Variants in MTMR10 observed in about 807,000 individuals in gnomAD.
MTMR10 encodes the protein myotubularin-related protein 10.
MTMR10 carries 56 observed loss-of-function variants against 88.1 expected under a neutral mutation model. The observed-to-expected ratio is 0.64, with a 90% CI of 0.51 to 0.79. MTMR10 has a LOEUF of 0.79. Ranked by LOEUF, MTMR10 falls within the 30% of genes least tolerant of loss-of-function variation. The pLI is 0.00. For missense variants in MTMR10, 883 were observed against 924.7 expected, an observed-to-expected ratio of 0.95 and a Z score of 0.58; for synonymous variants, 380 against 340.9, an observed-to-expected ratio of 1.11 and a Z score of -1.26.
chr15:30,926,042 GC>G, the MTMR10 span: 1 of 1,176,476 alleles, frequency 8.5e-7, no homozygotes, highest in Non-Finnish European at 1.2e-6. Flanking sequence ...TCTGTCCTCT[GC>G]TCACAGTGGA....
chr15:30,931,852 G>A, the MTMR10 span, among the ~76,000 whole-genome samples: 1 of 151,828 alleles, frequency 6.6e-6, no homozygotes, highest in East Asian at 1.9e-4. Context: ...ATAATGACTT[G>A]TTTTTCAAAG....
intron 14 of MTMR10, chr15:30,946,702 A>T (rs540693786): frequency 1.4e-6 from 1 of 702,192 alleles, no homozygotes; most frequent in Non-Finnish European, 2.6e-6. Context: ...AATCCTCTAC[A>T]TCAATGAATT....
rs1053865180 is a variant in MTMR10 at position 30,961,048 on chromosome 15, T to A, written c.591A>T (p.Ser197=). 4 of 1,552,406 alleles carry A rather than the reference T, an allele frequency of 2.6e-6. No individual in the cohort carries two copies. The Admixed American group carries it at 7.9e-5, about 30-fold the overall frequency. ...CTCCTCCTCCTCCTCCTCCATCTCCTGAGGGAATTCCATTAATTTTGTTTG... is the reference window on the plus strand; with the variant it reads ...CTCCTCCTCCTCCTCCTCCATCTCCAGAGGGAATTCCATTAATTTTGTTTG... ...NSANKINGIP[S]GDGGGGGGGG... is the part of the protein sequence containing the mutation. Residue 197 remains serine, a synonymous_variant, in exon 7 of 16, where the codon TCA becomes TCT. Transcript: ENST00000435680.
At chr15:30,953,722 A>G in intron 10 of MTMR10, 91 bp from the exon 11 acceptor site, 1 of 826,992 alleles carries the variant, frequency 1.2e-6, no homozygotes, top group Non-Finnish European at 1.9e-6. Flanking sequence ...TAATATTTAA[A>G]AGTTAGCTTT....
chr15:30,933,744 ATTTCT>A, the MTMR10 span, among the ~76,000 whole-genome samples: 2 of 147,586 alleles, frequency 1.4e-5, no homozygotes, highest in African/African-American at 5.2e-5. Context: ...TAATTGTGGT[ATTTCT>A]TTTCTTTTTT....
At chr15:30,937,017 A>C (rs2062874095), downstream of MTMR10, 1 of 868,852 alleles carries the variant, frequency 1.2e-6, no homozygotes, top group East Asian at 2.4e-5. Context: ...GTGAGAGAGC[A>C]GAAGAGCCAT....
intron 5 of MTMR10, among the ~76,000 whole-genome samples, chr15:30,970,198 T>C (rs1477113813): frequency 6.6e-6 from 1 of 152,152 alleles, no homozygotes; most frequent in East Asian, 1.9e-4. Context: ...GTACCTACAA[T>C]GTTGTAAGCC....
intron 14 of MTMR10, chr15:30,946,863 C>T (rs1469876279): frequency 4.7e-6 from 3 of 632,262 alleles, no homozygotes; most frequent in Admixed American, 2.7e-5. Context: ...AAAAGCATGA[C>T]ATTTAAGGTG....
rs953558866 is a variant in MTMR10 at position 30,960,752 on chromosome 15, T to C, written c.758+129A>G. Reference sequence around the variant, plus strand: ...CTTGATCTTTAAAATAAAATATTTATTAAAACATTATTAAAAACAAATATT... The same window carrying C: ...CTTGATCTTTAAAATAAAATATTTACTAAAACATTATTAAAAACAAATATT... On this transcript the variant is annotated intron_variant, in intron 7 of 15. Transcript: ENST00000435680. 5.9e-6 allele frequency: 7 copies of C among 1,189,056 alleles called. No individual in the cohort carries two copies. In the African/African-American group the frequency reaches 9.4e-5, roughly 16 times the overall value. 73.7% of individuals were successfully genotyped at this position (1,189,056 alleles called of 1,614,324 possible). A position where few individuals can be genotyped will look rare whatever the true frequency, so the allele number is the denominator to read the frequency against.
intron 13 of MTMR10, among the ~76,000 whole-genome samples, chr15:30,948,100 T>C (rs929350715): frequency 1.3e-5 from 2 of 152,226 alleles, no homozygotes; most frequent in African/African-American, 4.8e-5. Context: ...TAGACAACTT[T>C]TAAAAATTTC....
chr15:30,921,061 G>T, the MTMR10 span, among the ~76,000 whole-genome samples: 3 of 152,212 alleles, frequency 2.0e-5, no homozygotes, highest in Non-Finnish European at 4.4e-5. Flanking sequence ...GACAGTGGGG[G>T]CCTAAAGTGT....
At chr15:30,930,794 G>A in the MTMR10 span, 46 of 1,239,878 alleles carry the variant, frequency 3.7e-5, no homozygotes, top group Non-Finnish European at 4.9e-5. Context: ...CTTTTGGGCC[G>A]AGGGCCTGGG....
chr15:30,932,221 C>CAAAAAAA, the MTMR10 span, among the ~76,000 whole-genome samples: 4 of 49,506 alleles, frequency 8.1e-5, 1 homozygote, highest in Non-Finnish European at 1.4e-4. Flanking sequence ...GACTCCATCT[C>CAAAAAAA]AAAAAAAAAA....
chr15:30,933,752 T>G, the MTMR10 span, among the ~76,000 whole-genome samples: 1 of 142,288 alleles, frequency 7.0e-6, no homozygotes, highest in African/African-American at 2.9e-5. Flanking sequence ...GTATTTCTTT[T>G]CTTTTTTTTT....
intron 2 of MTMR10, among the ~76,000 whole-genome samples, chr15:30,984,405 T>C (rs893414210): frequency 6.6e-6 from 1 of 152,212 alleles, no homozygotes; most frequent in African/African-American, 2.4e-5. Flanking sequence ...ACAAGTCCTT[T>C]GGTCTTTCAA....
the MTMR10 span, chr15:30,920,469 G>A: frequency 1.1e-6 from 1 of 941,268 alleles, no homozygotes; most frequent in Non-Finnish European, 1.7e-6. Context: ...AATTCAGTCT[G>A]CTTTGTCACT....
chr15:30,941,503 C>T lies in MTMR10; in HGVS notation c.2301G>A (p.Trp767Ter), dbSNP rs1190045808. Residue 767 changes from tryptophan (W) to a stop codon, truncating the protein, a stop_gained, in exon 16 of 16, where the codon TGG (tryptophan) becomes TGA (stop). Transcript: ENST00000435680. LOFTEE classifies it high-confidence loss of function. ...CATTTGCTAATGTCTCAGTAGACAA[C>T]CATATTTTGGCCCCACTTAAAAATT... ...LSKFLSGAKI[W>*]LSTETLANED is the part of the protein sequence containing the mutation. 4 of 1,611,500 alleles carry T rather than the reference C, an allele frequency of 2.5e-6. No individual in the cohort carries two copies. The Admixed American group carries it at 6.7e-5, about 27-fold the overall frequency.
chr15:30,922,443 T>C, the MTMR10 span: 2 of 1,293,742 alleles, frequency 1.5e-6, no homozygotes, highest in Non-Finnish European at 2.2e-6. Flanking sequence ...AAAATTTACA[T>C]GTAATTAGAA....
intron 2 of MTMR10, among the ~76,000 whole-genome samples, chr15:30,983,594 C>T (rs1044308775): frequency 1.3e-5 from 2 of 152,314 alleles, no homozygotes; most frequent in Admixed American, 6.5e-5. Context: ...CAAAGTCTCA[C>T]GGCACACGTG....
Sources: allele counts gnomAD v4.1 joint callset (sites outside exome capture counted in the v4.1 genomes callset), GRCh38; gene constraint gnomAD v4.1.1; transcripts MANE v1.5; gene names NCBI Gene and HGNC (gene_info 2026-07-23, HGNC 2026-07-21).